Variants in PTPN12 observed in about 807,000 individuals in gnomAD.
PTPN12 encodes the protein tyrosine-protein phosphatase non-receptor type 12.
A neutral mutation model predicts 97.6 loss-of-function variants in PTPN12; 29 were observed. The observed-to-expected ratio is 0.30, with a 90% CI of 0.22 to 0.41. The LOEUF (loss-of-function observed/expected upper bound fraction) is 0.41. Among genes scored for constraint, PTPN12 ranks in the 10% least tolerant of loss-of-function variants. The probability of loss-of-function intolerance (pLI) is 1.00; values close to 1 mark genes in which losing one functional copy is unlikely to be tolerated. For missense variants in PTPN12, 819 were observed against 926.0 expected (o/e 0.88, Z 1.50); for synonymous variants, 327 against 300.4 (o/e 1.09, Z -0.91).
chr7:77,573,097 C>CAAAAAAAA (rs1383453267), intron 2 of PTPN12, among the ~76,000 whole-genome samples: 2 of 48,516 alleles, frequency 4.1e-5, no homozygotes, highest in African/African-American at 1.2e-4. Flanking sequence ...AAAAAAAAAA[C>CAAAAAAAA]AAAAAAACAA....
Position 77,605,409 on chromosome 7 carries a change from G to GGTTTTTTTTTTTTTTTTT in PTPN12, c.696-1826_696-1825insGTTTTTTTTTTTTTTTTT, listed in dbSNP as rs1554321255. On this transcript the variant is annotated intron_variant, in intron 8 of 17. Transcript: ENST00000248594. ...TTACTTTAAAATACTTTTGTCATGA[G>GGTTTTTTTTTTTTTTTTT]TTTTTTTTTTTTTTTTTTTTTTTTT... Among the ~76,000 whole-genome samples the GGTTTTTTTTTTTTTTTTT allele has an allele frequency of 3.7e-4, 35 of 95,540 alleles. 5 individuals carry two copies. The highest frequency in any genetic ancestry group is 5.9e-4 in the East Asian group (2 of 3,372). The allele number at this position is 95,540 out of a possible 152,430, so 62.7% of individuals were successfully genotyped here.
intron 2 of PTPN12, among the ~76,000 whole-genome samples, chr7:77,571,815 C>T (rs1283431567): frequency 6.6e-6 from 1 of 152,104 alleles, no homozygotes; most frequent in African/African-American, 2.4e-5. Flanking sequence ...ACCTCAGCCT[C>T]CCCAAGTGTT....
At chr7:77,620,618 C>T (rs1467252074) in intron 12 of PTPN12, among the ~76,000 whole-genome samples, 4 of 152,316 alleles carry the variant, frequency 2.6e-5, no homozygotes, top group Non-Finnish European at 5.9e-5. Flanking sequence ...TTTTGTTTTT[C>T]AGTATGGCTA....
At chr7:77,576,542 C>A (rs1303374954) in intron 2 of PTPN12, among the ~76,000 whole-genome samples, 1 of 151,994 alleles carries the variant, frequency 6.6e-6, no homozygotes, top group Admixed American at 6.6e-5. Flanking sequence ...ACTAAAAATA[C>A]AAAAATTAGC....
chr7:77,587,092 C>T lies in PTPN12; in HGVS notation c.420+1511C>T, dbSNP rs143823712. ...GTGTTAATCTTGATATTTCGACCTC[C>T]TCCCACGAATCATGAATGTAATTAA... On this transcript the variant is annotated intron_variant, in intron 5 of 17. Coordinates refer to ENST00000248594, the MANE Select transcript of PTPN12 (RefSeq NM_002835.4). Among the ~76,000 whole-genome samples, 9 of 152,046 alleles carry T rather than the reference C, an allele frequency of 5.9e-5. No individual in the cohort carries two copies. In the East Asian group the frequency reaches 1.4e-3, roughly 23 times the overall value.
Position 77,627,346 on chromosome 7 carries a change from C to T in PTPN12, c.1667C>T (p.Ser556Leu), listed in dbSNP as rs374583053. The T allele has an allele frequency of 5.0e-6, 8 of 1,614,002 alleles. No homozygotes were observed. The highest frequency in any genetic ancestry group is 1.7e-5 in the Admixed American group (1 of 60,002). ...PIPDLSEGNS[S>L]DINYQTRKTV... ...CCTGATTTATCTGAAGGCAATTCCT[C>T]AGATATCAACTATCAAACTAGGAAA... Residue 556 changes from serine (S) to leucine (L), a missense_variant, in exon 13 of 18, where the codon TCA becomes TTA. By Grantham distance (145) the Ser-to-Leu change is moderately radical. Coordinates refer to ENST00000248594, the MANE Select transcript of PTPN12 (RefSeq NM_002835.4).
chr7:77,608,901 A>G (rs1788464247), intron 9 of PTPN12, among the ~76,000 whole-genome samples: 1 of 152,246 alleles, frequency 6.6e-6, no homozygotes, highest in Admixed American at 6.5e-5. Flanking sequence ...GCTAGCAAAC[A>G]AAACAAACAT....
intron 2 of PTPN12, among the ~76,000 whole-genome samples, chr7:77,580,470 A>G (rs1787479023): frequency 6.6e-6 from 1 of 152,230 alleles, no homozygotes; most frequent in Admixed American, 6.5e-5. Context: ...TTTTCAAAGT[A>G]TATAACTATA....
chr7:77,585,463 T>G, intron 4 of PTPN12, 80 bp from the exon 5 acceptor site: 2 of 1,287,900 alleles, frequency 1.6e-6, no homozygotes, highest in Non-Finnish European at 2.2e-6. Flanking sequence ...GCAAAATTCT[T>G]GAAATCTGTA....
At chr7:77,635,046 T>C (rs1322944881) in intron 14 of PTPN12, among the ~76,000 whole-genome samples, 1 of 152,126 alleles carries the variant, frequency 6.6e-6, no homozygotes, top group Non-Finnish European at 1.5e-5. Flanking sequence ...GGTCTCACCA[T>C]GTTGGCCAGG....
At chr7:77,538,077 C>G (rs1806750943) in intron 1 of PTPN12, 1 of 992,282 alleles carries the variant, frequency 1.0e-6, no homozygotes, top group Non-Finnish European at 1.2e-6. Context: ...GAGTGCAGAT[C>G]GTGGCTGACA....
At chr7:77,625,982 C>A (rs1232484978) in intron 12 of PTPN12, among the ~76,000 whole-genome samples, 1 of 152,080 alleles carries the variant, frequency 6.6e-6, no homozygotes, top group African/African-American at 2.4e-5. Flanking sequence ...AATCTGAAAC[C>A]AGAGAGAACA....
chr7:77,579,806 A>G (rs1175607356), intron 2 of PTPN12, among the ~76,000 whole-genome samples: 2 of 152,240 alleles, frequency 1.3e-5, no homozygotes, highest in Admixed American at 6.5e-5. Flanking sequence ...CAAGTGGTTT[A>G]TGGAAAAAGA....
intron 12 of PTPN12, among the ~76,000 whole-genome samples, chr7:77,626,301 A>G (rs1789178250): frequency 2.0e-5 from 3 of 152,248 alleles, no homozygotes; most frequent in Admixed American, 2.0e-4. Flanking sequence ...GAAAAATTAC[A>G]ATATAACAGT....
chr7:77,628,560 ATTT>A (rs34494082), intron 13 of PTPN12, among the ~76,000 whole-genome samples: 1 of 143,798 alleles, frequency 7.0e-6, no homozygotes, highest in African/African-American at 2.6e-5. Context: ...ACCTTGAAAG[ATTT>A]TTTTTTTTTT....
intron 12 of PTPN12, among the ~76,000 whole-genome samples, chr7:77,625,640 A>G (rs185733634): frequency 0.01 from 1,297 of 126,792 alleles, 19 homozygotes; most frequent in African/African-American, 0.038. Flanking sequence ...CGTGATCTCA[A>G]CTCACTGCCA....
Position 77,613,843 on chromosome 7 carries a change from G to T in PTPN12, c.939+2797G>T, listed in dbSNP as rs930806427. On this transcript the variant is annotated intron_variant, in intron 11 of 17. Coordinates refer to ENST00000248594, the MANE Select transcript of PTPN12 (RefSeq NM_002835.4). Reference sequence around the variant, plus strand: ...TCCATCCGCCTCAGCCTCCCAAAGTGCAGGAATTATAGGCTAAAGTTCTTT... The same window carrying T: ...TCCATCCGCCTCAGCCTCCCAAAGTTCAGGAATTATAGGCTAAAGTTCTTT... 2.0e-5 allele frequency among the ~76,000 whole-genome samples: 3 copies of T among 151,878 alleles called. No homozygotes were observed. In the South Asian group the frequency reaches 6.2e-4, roughly 31 times the overall value.
chr7:77,540,786 A>G (rs1438963331), intron 1 of PTPN12, among the ~76,000 whole-genome samples: 1 of 152,208 alleles, frequency 6.6e-6, no homozygotes, highest in Non-Finnish European at 1.5e-5. Context: ...AAAAAAGATT[A>G]GCTTATAGAT....
chr7:77,626,018 C>A (rs1789167799), intron 12 of PTPN12, among the ~76,000 whole-genome samples: 1 of 152,094 alleles, frequency 6.6e-6, no homozygotes, highest in Non-Finnish European at 1.5e-5. Context: ...ACTAGGGAAC[C>A]AGTAGTCCAC....
Sources: allele counts gnomAD v4.1 joint callset (sites outside exome capture counted in the v4.1 genomes callset), GRCh38; gene constraint gnomAD v4.1.1; transcripts MANE v1.5; gene names NCBI Gene and HGNC (gene_info 2026-07-23, HGNC 2026-07-21).